SYTL3: variants seen among roughly 807,000 people sequenced by gnomAD.
The protein encoded by SYTL3 is synaptotagmin like 3.
Under a neutral mutation model 82.1 loss-of-function variants are expected in SYTL3, and 88 were observed. That is an observed-to-expected ratio of 1.07 (90% CI 0.90 to 1.28). The LOEUF (loss-of-function observed/expected upper bound fraction) is 1.28, where lower values mean the gene tolerates loss of function less well. Ranked by LOEUF, SYTL3 falls within the 50% of genes most tolerant of loss-of-function variation. The pLI, the probability that SYTL3 is intolerant of heterozygous loss-of-function variation, is 0.00. For synonymous variants in SYTL3, 311 were observed against 289.4 expected (o/e 1.07, Z -0.76); for missense variants, 831 against 757.6 (o/e 1.10, Z -1.14).
intron 9 of SYTL3, among the ~76,000 whole-genome samples, chr6:158,715,624 C>G (rs540149686): frequency 7.7e-6 from 1 of 129,862 alleles, no homozygotes; most frequent in African/African-American, 3.3e-5. Context: ...CACGCACGCA[C>G]CCAGCACCCC....
chr6:158,737,588 A>G (rs569523889), intron 11 of SYTL3, among the ~76,000 whole-genome samples: 4 of 152,244 alleles, frequency 2.6e-5, no homozygotes, highest in East Asian at 1.9e-4. Flanking sequence ...GACTGTGCCA[A>G]TGGCTTTAAT....
intron 5 of SYTL3, among the ~76,000 whole-genome samples, chr6:158,682,355 CT>C (rs61526522): frequency 9.9e-4 from 106 of 106,800 alleles, no homozygotes; most frequent in Middle Eastern, 7.6e-3. Flanking sequence ...TTAACATTCA[CT>C]TTTTTTTTTT....
intron 6 of SYTL3, among the ~76,000 whole-genome samples, chr6:158,686,770 G>A (rs1485420177): frequency 1.3e-5 from 2 of 152,190 alleles, no homozygotes; most frequent in Non-Finnish European, 2.9e-5. Flanking sequence ...GGAATAGTGA[G>A]AGAACAGAGC....
At position 158,757,294 on chromosome 6, in the gene SYTL3, T is replaced by A; in HGVS notation, c.1221T>A (p.Phe407Leu). The A allele has an allele frequency of 6.2e-7, 1 of 1,613,778 alleles. No individual in the cohort carries two copies. Among genetic ancestry groups the A allele is most frequent in the Non-Finnish European group, 8.5e-7 (1 of 1,179,950 alleles). The change falls in exon 14 of 18, where the codon TTT becomes TTA. Residue 407 changes from phenylalanine (F) to leucine (L), a missense_variant. Coordinates refer to ENST00000611299, the MANE Select transcript of SYTL3 (RefSeq NM_001242394.2). ...WHLGTLARRV[F>L]LGEVIIPLAT... ...TGGGCACGCTGGCCCGGAGAGTGTT[T>A]CTTGGAGAAGTGATCATTCCTCTGG...
rs1434217570 is a variant in SYTL3 at position 158,764,607 on chromosome 6, TGAA to T, written c.*5_*7del. ...ACATGACTCTTGTCCTGCACTGACA[TGAA>T]GGCCTCAAGGTTCCAGGTTGCAGCA... On this transcript the variant is annotated 3_prime_UTR_variant, in exon 18 of 18. Coordinates refer to ENST00000611299, the MANE Select transcript of SYTL3 (RefSeq NM_001242394.2). 1 of 1,608,766 alleles carries T rather than the reference TGAA, an allele frequency of 6.2e-7. No homozygotes were observed. Among genetic ancestry groups the T allele is most frequent in the Non-Finnish European group, 8.5e-7 (1 of 1,175,230 alleles).
rs924231628 is a variant in SYTL3 at position 158,757,114 on chromosome 6, C to T, written c.1138-97C>T. The T allele has an allele frequency of 2.6e-5, 33 of 1,293,214 alleles. No individual in the cohort carries two copies. In the African/African-American group the frequency reaches 3.0e-4, roughly 12 times the overall value. The allele number at this position is 1,293,214 out of a possible 1,614,324, so 80.1% of individuals were successfully genotyped here. The stretch of plus-strand genomic sequence containing the variant: ...TGGGAGGGAGGCCTGCGCCAGGCCC[C>T]GGGAAGTGGGGCCCTGGAAGGTGGG... On this transcript the variant is annotated intron_variant, in intron 13 of 17. Transcript: ENST00000611299.
intron 12 of SYTL3, among the ~76,000 whole-genome samples, chr6:158,748,876 C>T (rs1200414112): frequency 6.7e-6 from 1 of 150,054 alleles, no homozygotes; most frequent in Non-Finnish European, 1.5e-5. Flanking sequence ...TACTCAAATA[C>T]CAGTATAGGA....
At chr6:158,670,229 T>A (rs1212833150) in intron 5 of SYTL3, among the ~76,000 whole-genome samples, 1 of 152,244 alleles carries the variant, frequency 6.6e-6, no homozygotes. Context: ...TATCATTTTA[T>A]ATTCACAAAG....
At chr6:158,710,308 C>A (rs900841488) in intron 8 of SYTL3, among the ~76,000 whole-genome samples, 1 of 152,168 alleles carries the variant, frequency 6.6e-6, no homozygotes, top group Non-Finnish European at 1.5e-5. Flanking sequence ...ATTTTTCAAA[C>A]AGTCATTTGA....
At chr6:158,763,666 C>T (rs1208580942) in intron 17 of SYTL3, among the ~76,000 whole-genome samples, 157 bp downstream of exon 17, 2 of 152,198 alleles carry the variant, frequency 1.3e-5, no homozygotes, top group African/African-American at 4.8e-5. Flanking sequence ...TTTTACTCTA[C>T]AGCTGAGCCA....
At chr6:158,651,186 G>A (rs558701139) in intron 1 of SYTL3, among the ~76,000 whole-genome samples, 1 of 152,286 alleles carries the variant, frequency 6.6e-6, no homozygotes, top group East Asian at 1.9e-4. Context: ...TAGAGATAAT[G>A]TATGCAAAGT....
chr6:158,684,908 G>C (rs926229671), intron 6 of SYTL3, among the ~76,000 whole-genome samples: 6 of 151,680 alleles, frequency 4.0e-5, no homozygotes, highest in Admixed American at 2.0e-4. Flanking sequence ...AATGAAGCAG[G>C]GTTGCTGTTT....
At chr6:158,690,079 G>A (rs926309316) in intron 6 of SYTL3, among the ~76,000 whole-genome samples, 1 of 152,200 alleles carries the variant, frequency 6.6e-6, no homozygotes, top group Non-Finnish European at 1.5e-5. Context: ...GATTGGCACA[G>A]CGTGGGGCAC....
intron 8 of SYTL3, among the ~76,000 whole-genome samples, chr6:158,709,486 G>A (rs754377595): frequency 2.0e-5 from 3 of 152,108 alleles, no homozygotes; most frequent in Non-Finnish European, 2.9e-5. Context: ...TCAAACCATC[G>A]TAAGTCAGGG....
At chr6:158,694,660 A>G (rs969409990) in intron 6 of SYTL3, among the ~76,000 whole-genome samples, 2 of 152,184 alleles carry the variant, frequency 1.3e-5, no homozygotes, top group African/African-American at 4.8e-5. Flanking sequence ...CAAAAATTGA[A>G]TTGATTAGAA....
At chr6:158,696,319 C>A (rs577411299) in intron 6 of SYTL3, among the ~76,000 whole-genome samples, 1 of 152,040 alleles carries the variant, frequency 6.6e-6, no homozygotes, top group South Asian at 2.1e-4. Context: ...CGTGTCTCAG[C>A]CTCCCGAGTA....
intron 6 of SYTL3, among the ~76,000 whole-genome samples, chr6:158,693,460 T>C (rs1780140720): frequency 6.6e-6 from 1 of 152,190 alleles, no homozygotes; most frequent in Non-Finnish European, 1.5e-5. Context: ...CGATCTTGGC[T>C]CACTGCAACC....
intron 15 of SYTL3, 122 bp downstream of exon 15, chr6:158,760,867 C>A: frequency 1.4e-6 from 1 of 726,454 alleles, no homozygotes; most frequent in Non-Finnish European, 2.4e-6. Flanking sequence ...CCGTGCCCAG[C>A]TCCAGCAGCT....
At chr6:158,712,823 A>AC (rs1782909766) in intron 8 of SYTL3, among the ~76,000 whole-genome samples, 1 of 142,632 alleles carries the variant, frequency 7.0e-6, no homozygotes, top group Non-Finnish European at 1.5e-5. Context: ...CAGTGGCGTG[A>AC]TCTCGACTCA....
Sources: gnomAD v4.1 joint callset for allele counts (sites outside exome capture counted in the v4.1 genomes callset) on GRCh38, gnomAD v4.1.1 for gene constraint, MANE v1.5 for transcripts, NCBI Gene and HGNC (gene_info 2026-07-23, HGNC 2026-07-21) for gene names.